The following ANKK1 variants were observed in gnomAD, a reference collection of about 807,000 sequenced individuals.
The protein encoded by ANKK1 is ankyrin repeat and protein kinase domain-containing protein 1.
Under a neutral mutation model 37.6 loss-of-function variants are expected in ANKK1, and 37 were observed. That is an observed-to-expected ratio of 0.98 (90% CI 0.76 to 1.29). The LOEUF is 1.29. Among genes scored for constraint, ANKK1 ranks in the 50% most tolerant of loss-of-function variants. The probability of loss-of-function intolerance (pLI) is 0.00; values close to 1 mark genes in which losing one functional copy is unlikely to be tolerated. For synonymous variants in ANKK1, 415 were observed against 418.7 expected, an observed-to-expected ratio of 0.99 and a Z score of 0.11; for missense variants, 1,019 against 990.6, an observed-to-expected ratio of 1.03 and a Z score of -0.39.
chr11:113,396,795 C>T (rs567602432), intron 5 of ANKK1, among the ~76,000 whole-genome samples: 2 of 152,268 alleles, frequency 1.3e-5, no homozygotes, highest in African/African-American at 4.8e-5. Flanking sequence ...AAGGCAGAAG[C>T]CACAGCATCT....
rs181651283 is a variant in ANKK1 at position 113,393,297 on chromosome 11, C to G, written c.186-184C>G. On this transcript the variant is annotated intron_variant, in intron 1 of 7. Coordinates refer to ENST00000303941, the MANE Select transcript of ANKK1 (RefSeq NM_178510.2). Reference sequence around the variant, plus strand: ...TACTTCCTGCCTTGTTGCTGCTGTACTGAAATCTAAGCGGCCTGCTAAGTA... The same window carrying G: ...TACTTCCTGCCTTGTTGCTGCTGTAGTGAAATCTAAGCGGCCTGCTAAGTA... Among the ~76,000 whole-genome samples, 156 of 152,270 alleles carry G rather than the reference C, an allele frequency of 1.0e-3. 1 individual carries two copies. The highest frequency in any genetic ancestry group is 1.7e-3 in the Non-Finnish European group (116 of 68,010).
At chr11:113,389,733 CAG>C (rs1565648396) in intron 1 of ANKK1, among the ~76,000 whole-genome samples, 1 of 152,266 alleles carries the variant, frequency 6.6e-6, no homozygotes, top group South Asian at 2.1e-4. Context: ...GAACAGACAA[CAG>C]AGTGTGCAAA....
At position 113,400,294 on chromosome 11, in the gene ANKK1, C is replaced by T. The variant is rs1258272108; in HGVS notation, c.*27C>T. 46 of 1,508,786 alleles carry T rather than the reference C, an allele frequency of 3.0e-5. No individual in the cohort carries two copies. Among genetic ancestry groups the T allele is most frequent in the African/African-American group, 1.1e-4 (8 of 72,166 alleles). 93.5% of individuals were successfully genotyped at this position (1,508,786 alleles called of 1,614,324 possible). On this transcript the variant is annotated 3_prime_UTR_variant, in exon 8 of 8. Transcript: ENST00000303941. Reference sequence around the variant, plus strand: ...CAACTTGGCCAGCCGTGGTGGCTCACGTCTGTAATCCCAGCACTTTGGGAG... The same window carrying T: ...CAACTTGGCCAGCCGTGGTGGCTCATGTCTGTAATCCCAGCACTTTGGGAG...
At chr11:113,391,613 C>T (rs544928910) in intron 1 of ANKK1, among the ~76,000 whole-genome samples, 3 of 152,170 alleles carry the variant, frequency 2.0e-5, no homozygotes, top group African/African-American at 7.2e-5. Context: ...AAGATGACAC[C>T]AGGGTCCTAT....
At position 113,399,694 on chromosome 11, in the gene ANKK1, C is replaced by G. The variant is rs780918392; in HGVS notation, c.1725C>G (p.Ile575Met). 4 of 1,596,450 alleles carry G rather than the reference C, an allele frequency of 2.5e-6. No homozygotes were observed. Among genetic ancestry groups the G allele is most frequent in the East Asian group, 2.3e-5 (1 of 43,806 alleles). ...CAGCTGCCAGGGGCAAATACCTGAT[C>G]TGCAAGATGCTGCTCAGGTACGGAG... is the stretch of plus-strand genomic sequence containing the variant. ...HTAAARGKYL[I>M]CKMLLRYGAS... Residue 575 changes from isoleucine (I) to methionine (M), a missense_variant, in exon 8 of 8, where the codon ATC becomes ATG. Ile to Met is a conservative substitution (Grantham distance 10, BLOSUM62 1). Transcript: ENST00000303941.
chr11:113,397,405 T>C, intron 6 of ANKK1, 63 bp downstream of exon 6: 13 of 1,391,140 alleles, frequency 9.3e-6, no homozygotes, highest in South Asian at 1.2e-5. Flanking sequence ...GTGTGGACTG[T>C]TGTGATCTCT....
chr11:113,397,469 A>G (rs1292229620), intron 6 of ANKK1, 127 bp downstream of exon 6: 2 of 711,842 alleles, frequency 2.8e-6, no homozygotes, highest in Non-Finnish European at 4.6e-6. Flanking sequence ...CTCCATCCAG[A>G]GGGGACACAT....
Position 113,387,892 on chromosome 11 carries a change from C to T in ANKK1, c.8C>T (p.Ala3Val). Residue 3 changes from alanine to valine, a missense_variant, in exon 1 of 8, where the codon GCC (alanine) becomes GTC (valine). Transcript: ENST00000303941. Reference protein sequence around the residue: MAADPTELRLGSL... With the variant: MAVDPTELRLGSL... ...GACAGGAAGAGAGGGGCAATGGCTGCCGACCCCACCGAGCTGCGGCTGGGC... is the reference window on the plus strand; with the variant it reads ...GACAGGAAGAGAGGGGCAATGGCTGTCGACCCCACCGAGCTGCGGCTGGGC... The T allele has an allele frequency of 6.5e-7, 1 of 1,546,142 alleles. No individual in the cohort carries two copies. Among genetic ancestry groups the T allele is most frequent in the Non-Finnish European group, 8.7e-7 (1 of 1,148,752 alleles).
At chr11:113,392,361 G>A (rs913679913) in intron 1 of ANKK1, among the ~76,000 whole-genome samples, 15 of 152,144 alleles carry the variant, frequency 9.9e-5, no homozygotes, top group African/African-American at 3.6e-4. Context: ...TCACAGAGGT[G>A]GAGAAGGGAT....
intron 2 of ANKK1, chr11:113,394,668 C>G: frequency 1.6e-6 from 1 of 613,776 alleles, no homozygotes; most frequent in Admixed American, 2.1e-5. Context: ...TGCATGGCAC[C>G]TCATTTAGTG....
chr11:113,398,235 C>T (rs1239970487), intron 7 of ANKK1, among the ~76,000 whole-genome samples: 6 of 150,196 alleles, frequency 4.0e-5, no homozygotes, highest in South Asian at 4.2e-4. Flanking sequence ...CCTTGCAAGA[C>T]GGAATTTTCC....
In ANKK1 at chr11:113,400,174, C is replaced by T; in HGVS notation, c.2205C>T (p.Ser735=). 6.3e-7 allele frequency: 1 copy of T among 1,579,674 alleles called. No individual in the cohort carries two copies. Among genetic ancestry groups the T allele is most frequent in the South Asian group, 1.1e-5 (1 of 86,970 alleles). The stretch of plus-strand genomic sequence containing the variant: ...CACCCCTGCAACTGGCCCTCCGCAG[C>T]CGAAAGCAGGGCATCATGTCCTTCC... ...SCTPLQLALR[S]RKQGIMSFLE... is the part of the protein sequence containing the mutation. The change falls in exon 8 of 8, where the codon AGC becomes AGT. Residue 735 remains serine (S), a synonymous_variant. Transcript: ENST00000303941.
Position 113,396,148 on chromosome 11 carries a change from G to GC in ANKK1, c.765dup (p.Glu256ArgfsTer66). On this transcript the variant is annotated frameshift_variant, in exon 5 of 8. Coordinates refer to ENST00000303941, the MANE Select transcript of ANKK1 (RefSeq NM_178510.2). LOFTEE classifies it high-confidence loss of function. ...CAGCCTGTCTCTGACCAATGGCCAA[G>GC]CGAGGCCCAGCAGATGGTGGACCTG... 6.2e-7 allele frequency: 1 copy of GC among 1,614,010 alleles called. No individual in the cohort carries two copies. Among genetic ancestry groups the GC allele is most frequent in the Non-Finnish European group, 8.5e-7 (1 of 1,179,908 alleles).
chr11:113,398,897 G>A (rs1319857380), intron 7 of ANKK1, 67 bp from the exon 8 acceptor site: 1 of 1,403,266 alleles, frequency 7.1e-7, no homozygotes, highest in Non-Finnish European at 9.6e-7. Flanking sequence ...GGAGGCAGGG[G>A]GATGGCCATG....
Position 113,399,001 on chromosome 11 carries a change from C to A in ANKK1, c.1032C>A (p.Ser344=). The A allele has an allele frequency of 6.3e-7, 1 of 1,593,526 alleles. No individual in the cohort carries two copies. Among genetic ancestry groups the A allele is most frequent in the Admixed American group, 1.7e-5 (1 of 57,432 alleles). Residue 344 remains serine, a synonymous_variant, in exon 8 of 8, where the codon TCC becomes TCA. Coordinates refer to ENST00000303941, the MANE Select transcript of ANKK1 (RefSeq NM_178510.2). ...ACCTGAAGCGGGCCCTTCAGCTCTC[C>A]GACCGTAAGAATTTGGTCCCGAGAG... ...GNYLKRALQL[S]DRKNLVPRDE...
chr11:113,389,494 C>T (rs971363711), intron 1 of ANKK1, among the ~76,000 whole-genome samples: 5 of 152,120 alleles, frequency 3.3e-5, no homozygotes, highest in African/African-American at 4.8e-5. Context: ...CCTTTCTCTC[C>T]GGGAGATTGC....
chr11:113,398,271 T>G (rs1030821571), intron 7 of ANKK1, among the ~76,000 whole-genome samples: 1 of 149,684 alleles, frequency 6.7e-6, no homozygotes, highest in Non-Finnish European at 1.5e-5. Flanking sequence ...AGGTGGAGCA[T>G]TGGTTCTCAA....
intron 7 of ANKK1, among the ~76,000 whole-genome samples, chr11:113,398,449 A>C (rs1950657959): frequency 6.6e-6 from 1 of 152,110 alleles, no homozygotes; most frequent in Non-Finnish European, 1.5e-5. Flanking sequence ...GAGCAGAAGG[A>C]TGTTGATCCT....
intron 4 of ANKK1, among the ~76,000 whole-genome samples, chr11:113,395,614 G>A (rs1950631548): frequency 6.6e-6 from 1 of 152,134 alleles, no homozygotes; most frequent in African/African-American, 2.4e-5. Context: ...GGAAAGGAAA[G>A]GTCAGCCCAG....
Sources: gnomAD v4.1 joint callset for allele counts (sites outside exome capture counted in the v4.1 genomes callset) on GRCh38, gnomAD v4.1.1 for gene constraint, MANE v1.5 for transcripts, NCBI Gene and HGNC (gene_info 2026-07-23, HGNC 2026-07-21) for gene names.